The following SDK1 variants were observed in gnomAD, a reference collection of about 807,000 sequenced individuals.
SDK1 encodes sidekick cell adhesion molecule 1.
In SDK1, 157 loss-of-function variants were observed where a neutral mutation model predicts 245.5. That is an observed-to-expected ratio of 0.64 (90% CI 0.56 to 0.73). The LOEUF is 0.73. Among genes scored for constraint, SDK1 ranks in the 30% least tolerant of loss-of-function variants. The pLI is 0.00. For missense variants in SDK1, 3,583 were observed against 3,002.3 expected (o/e 1.19, Z -4.52); for synonymous variants, 1,647 against 1,278.5 (o/e 1.29, Z -6.15).
At chr7:3,490,395 G>A (rs1296802179) in intron 1 of SDK1, among the ~76,000 whole-genome samples, 1 of 152,134 alleles carries the variant, frequency 6.6e-6, no homozygotes, top group Non-Finnish European at 1.5e-5. Context: ...ATTTGGCCTA[G>A]GCACTGTATC....
chr7:3,568,918 G>A (rs754063322), intron 1 of SDK1, among the ~76,000 whole-genome samples: 1 of 151,684 alleles, frequency 6.6e-6, no homozygotes, highest in Non-Finnish European at 1.5e-5. Context: ...TAGGCAATTT[G>A]CTTTAGTATC....
chr7:3,971,588 A>G lies in SDK1; in HGVS notation c.1817+20A>G, dbSNP rs903263543. 1.3e-5 allele frequency: 20 copies of G among 1,540,124 alleles called. No individual in the cohort carries two copies. The highest frequency in any genetic ancestry group is 1.6e-5 in the Non-Finnish European group (18 of 1,116,964). ...ACTCCGGTCAGCACAATCAGTTACA[A>G]TGCTTTGGGGCTTGTTGATATTCTG... is the stretch of plus-strand genomic sequence containing the variant. On this transcript the variant is annotated intron_variant, in intron 12 of 44. Transcript: ENST00000404826.
At position 3,685,401 on chromosome 7, in the gene SDK1, C is replaced by G. The variant is rs116779708; in HGVS notation, c.713+43296C>G. On this transcript the variant is annotated intron_variant, in intron 4 of 44. Transcript: ENST00000404826. ...AAAATGAAAGGAAAATCAAGATGTT[C>G]CTAAATGACAGAAAGGTAGGAAAAG... Among the ~76,000 whole-genome samples, 182 of 152,156 alleles carry G rather than the reference C, an allele frequency of 1.2e-3. 1 individual carries two copies. Among genetic ancestry groups the G allele is most frequent in the African/African-American group, 4.2e-3 (176 of 41,506 alleles).
chr7:3,552,006 A>G (rs376516185), intron 1 of SDK1, among the ~76,000 whole-genome samples: 17 of 151,440 alleles, frequency 1.1e-4, no homozygotes, highest in Admixed American at 4.6e-4. Context: ...GTGTGATACA[A>G]CTCCTAAACA....
chr7:3,585,824 T>C (rs1780668515), intron 1 of SDK1, among the ~76,000 whole-genome samples: 1 of 152,144 alleles, frequency 6.6e-6, no homozygotes, highest in Non-Finnish European at 1.5e-5. Flanking sequence ...GGTATAATTT[T>C]TGTCAGCGAG....
intron 1 of SDK1, among the ~76,000 whole-genome samples, chr7:3,596,842 GA>G (rs753968300): frequency 4.2e-4 from 64 of 152,118 alleles, no homozygotes; most frequent in Non-Finnish European, 8.7e-4. Context: ...CTTATGAACA[GA>G]AAAAGGAAAG....
intron 16 of SDK1, among the ~76,000 whole-genome samples, chr7:4,013,242 C>T (rs1474138921): frequency 3.9e-5 from 6 of 152,224 alleles, no homozygotes; most frequent in African/African-American, 1.4e-4. Context: ...AGAGAAGAAA[C>T]CTCCTTTGCC....
At chr7:3,987,771 C>T (rs1231040233) in intron 14 of SDK1, among the ~76,000 whole-genome samples, 1 of 152,160 alleles carries the variant, frequency 6.6e-6, no homozygotes, top group Non-Finnish European at 1.5e-5. Context: ...CCCCTCTGCC[C>T]ATTTACCGCC....
At chr7:3,512,666 A>G (rs1450832785) in intron 1 of SDK1, among the ~76,000 whole-genome samples, 1 of 152,114 alleles carries the variant, frequency 6.6e-6, no homozygotes, top group Non-Finnish European at 1.5e-5. Flanking sequence ...GTTGTTGTTG[A>G]TGAAGTATCT....
At chr7:3,895,758 A>G (rs970313193) in intron 5 of SDK1, among the ~76,000 whole-genome samples, 1 of 152,194 alleles carries the variant, frequency 6.6e-6, no homozygotes, top group Non-Finnish European at 1.5e-5. Flanking sequence ...CTTTAGGCTC[A>G]TCTCCCCATT....
At chr7:4,129,649 G>C in intron 26 of SDK1, 1 of 1,349,002 alleles carries the variant, frequency 7.4e-7, no homozygotes, top group Non-Finnish European at 9.5e-7. Context: ...CTCAGATCTT[G>C]CAGATTATGA....
chr7:3,357,722 T>C (rs970441746), intron 1 of SDK1, among the ~76,000 whole-genome samples: 1 of 152,104 alleles, frequency 6.6e-6, no homozygotes, highest in African/African-American at 2.4e-5. Context: ...CCCTCCACTT[T>C]TCTCTTTTTC....
chr7:3,423,948 A>T (rs1191736348), intron 1 of SDK1, among the ~76,000 whole-genome samples: 7 of 147,848 alleles, frequency 4.7e-5, no homozygotes, highest in Non-Finnish European at 8.9e-5. Context: ...ATGAGTCTCT[A>T]TTGCCCAGGC....
intron 5 of SDK1, among the ~76,000 whole-genome samples, chr7:3,873,540 C>G (rs1451857164): frequency 6.6e-6 from 1 of 152,020 alleles, no homozygotes; most frequent in Non-Finnish European, 1.5e-5. Flanking sequence ...TCTTCTGTCC[C>G]TTCTGTTTTT....
chr7:3,360,988 A>C (rs759711657), intron 1 of SDK1, among the ~76,000 whole-genome samples: 5 of 152,204 alleles, frequency 3.3e-5, no homozygotes, highest in Non-Finnish European at 7.3e-5. Flanking sequence ...ATATGTGCTA[A>C]AGAAACAAAA....
intron 35 of SDK1, among the ~76,000 whole-genome samples, chr7:4,197,843 G>C (rs993166171): frequency 1.3e-5 from 2 of 152,200 alleles, no homozygotes; most frequent in Non-Finnish European, 2.9e-5. Flanking sequence ...CCCACCCACT[G>C]CTTGCGGTGG....
chr7:4,083,893 G>A (rs968103483), intron 22 of SDK1, among the ~76,000 whole-genome samples: 4 of 151,204 alleles, frequency 2.6e-5, no homozygotes, highest in African/African-American at 9.7e-5. Context: ...ACAGCAGGGT[G>A]GGGGCACGTA....
chr7:3,495,921 A>G (rs2128606545), intron 1 of SDK1, among the ~76,000 whole-genome samples: 1 of 152,300 alleles, frequency 6.6e-6, no homozygotes, highest in East Asian at 1.9e-4. Flanking sequence ...CACACTTTTC[A>G]AAGCTTCAGT....
At chr7:3,893,349 C>T (rs1009097125) in intron 5 of SDK1, among the ~76,000 whole-genome samples, 1 of 152,066 alleles carries the variant, frequency 6.6e-6, no homozygotes, top group African/African-American at 2.4e-5. Context: ...GGGGAGGATC[C>T]TTAATGCCCC....
Sources: allele counts gnomAD v4.1 joint callset (sites outside exome capture counted in the v4.1 genomes callset), GRCh38; gene constraint gnomAD v4.1.1; transcripts MANE v1.5; gene names NCBI Gene and HGNC (gene_info 2026-07-23, HGNC 2026-07-21).